The following MYCBPAP variants were observed in gnomAD, a reference collection of about 807,000 sequenced individuals.
MYCBPAP encodes MYCBP associated protein.
In MYCBPAP, 60 loss-of-function variants were observed where a neutral mutation model predicts 106.1. The ratio of observed to expected loss-of-function variants is 0.57; its 90% CI spans 0.46 to 0.70. MYCBPAP has a LOEUF of 0.70. Ranked by LOEUF, MYCBPAP falls within the 30% of genes least tolerant of loss-of-function variation. The pLI is 0.00. For synonymous variants in MYCBPAP, 407 were observed against 440.6 expected (o/e 0.92, Z 0.95); for missense variants, 1,064 against 1,169.3 (o/e 0.91, Z 1.31).
In MYCBPAP at chr17:50,528,144, T is replaced by G; in HGVS notation, c.2292-11T>G. 2 of 1,611,730 alleles carry G rather than the reference T, an allele frequency of 1.2e-6. No individual in the cohort carries two copies. Among genetic ancestry groups the G allele is most frequent in the Non-Finnish European group, 1.7e-6 (2 of 1,178,058 alleles). ...AGTGATGGCATTTCTCCACTGTGTCTTGCCCTCTAGTTTGCAGCTGTGGCG... is the reference window on the plus strand; with the variant it reads ...AGTGATGGCATTTCTCCACTGTGTCGTGCCCTCTAGTTTGCAGCTGTGGCG... On this transcript the variant is annotated splice_polypyrimidine_tract_variant and intron_variant, in intron 15 of 18. Coordinates refer to ENST00000323776, the MANE Select transcript of MYCBPAP (RefSeq NM_032133.6).
In MYCBPAP at chr17:50,521,506, C is replaced by T. The variant is rs2034261565; in HGVS notation, c.1148+75C>T. ...CCTACCAGTATTAAAGAGCGGGCTT[C>T]CCTCCCTGAGATCAGGGTGCCTCTA... On this transcript the variant is annotated intron_variant, in intron 9 of 18. Transcript: ENST00000323776. 9 of 1,171,122 alleles carry T rather than the reference C, an allele frequency of 7.7e-6. No individual in the cohort carries two copies. The South Asian group carries it at 1.2e-4, about 15-fold the overall frequency. 72.5% of individuals were successfully genotyped at this position (1,171,122 alleles called of 1,614,324 possible).
At chr17:50,530,657 C>T (rs1433201849) in intron 18 of MYCBPAP, among the ~76,000 whole-genome samples, 2 of 150,548 alleles carry the variant, frequency 1.3e-5, no homozygotes, top group Non-Finnish European at 3.0e-5. Flanking sequence ...ATCAACTTGT[C>T]TGGGCTTGTA....
chr17:50,520,858 G>A (rs912857891), intron 7 of MYCBPAP: 3 of 454,938 alleles, frequency 6.6e-6, no homozygotes, highest in Non-Finnish European at 1.2e-5. Context: ...TCAATAAAAG[G>A]TAGCTGCTGT....
chr17:50,515,221 C>T (rs2034004058), intron 1 of MYCBPAP, among the ~76,000 whole-genome samples: 1 of 151,572 alleles, frequency 6.6e-6, no homozygotes, highest in South Asian at 2.1e-4. Context: ...CCCCACCTCC[C>T]ACGCCCGCCG....
intron 10 of MYCBPAP, 41 bp downstream of exon 10, chr17:50,522,122 CAG>C: frequency 2.6e-6 from 4 of 1,552,146 alleles, no homozygotes; most frequent in Non-Finnish European, 8.9e-7. Context: ...GAGCCTCCCT[CAG>C]GGGTGCAGCC....
intron 18 of MYCBPAP, chr17:50,529,648 A>C (rs948967803): frequency 1.2e-5 from 5 of 427,126 alleles, no homozygotes; most frequent in Non-Finnish European, 2.4e-5. Context: ...CAAGGTTTTG[A>C]ATAGAAACGC....
intron 1 of MYCBPAP, chr17:50,510,495 GTGTGTATA>G (rs1478564885): frequency 1.1e-5 from 1 of 93,054 alleles, no homozygotes; most frequent in South Asian, 3.4e-4. Context: ...GTGTGTGTGT[GTGTGTATA>G]TATATATATA....
intron 9 of MYCBPAP, 139 bp from the exon 10 acceptor site, chr17:50,521,834 T>C (rs9893172): frequency 0.98 from 674,198 of 685,300 alleles, 331,665 homozygotes; most frequent in East Asian, 1. Flanking sequence ...GGAAGCTGCG[T>C]GGGAGTGGAG....
chr17:50,517,397 C>A lies in MYCBPAP; in HGVS notation c.309C>A (p.His103Gln). ...KPMDPRRKVCHLVARPANPDE... is the reference protein window; with the variant it reads ...KPMDPRRKVCQLVARPANPDE... ...TGGATCCTAGGAGGAAGGTCTGCCA[C>A]CTTGTAGCACGTCCTGCGAATCCTG... The change falls in exon 3 of 19, where the codon CAC becomes CAA. Residue 103 changes from histidine (H) to glutamine (Q), a missense_variant. Transcript: ENST00000323776. 1.9e-6 allele frequency: 3 copies of A among 1,614,204 alleles called. No homozygotes were observed. The highest frequency in any genetic ancestry group is 2.5e-6 in the Non-Finnish European group (3 of 1,180,032).
chr17:50,524,221 C>T (rs1378047268), intron 12 of MYCBPAP, among the ~76,000 whole-genome samples: 1 of 152,192 alleles, frequency 6.6e-6, no homozygotes. Flanking sequence ...ACTCAATCAG[C>T]TGACAACTCG....
chr17:50,531,457 A>C lies in MYCBPAP; in HGVS notation c.*29A>C. On this transcript the variant is annotated 3_prime_UTR_variant, in exon 19 of 19. Coordinates refer to ENST00000323776, the MANE Select transcript of MYCBPAP (RefSeq NM_032133.6). ...TCGGGCCCAAGCAACCTTCTGGAAAACGGGTTAATAAATAAATCAATAAAG... is the reference window on the plus strand; with the variant it reads ...TCGGGCCCAAGCAACCTTCTGGAAACCGGGTTAATAAATAAATCAATAAAG... The C allele has an allele frequency of 1.3e-6, 2 of 1,528,002 alleles. No individual in the cohort carries two copies. Among genetic ancestry groups the C allele is most frequent in the Non-Finnish European group, 1.8e-6 (2 of 1,120,074 alleles). The allele number at this position is 1,528,002 out of a possible 1,614,324, so 94.7% of individuals were successfully genotyped here.
chr17:50,510,141 T>A (rs2033774129), intron 1 of MYCBPAP: 1 of 152,134 alleles, frequency 6.6e-6, no homozygotes, highest in Non-Finnish European at 1.5e-5. Context: ...CTCAGAGTTG[T>A]GAAAGCTCAT....
At position 50,517,675 on chromosome 17, in the gene MYCBPAP, G is replaced by A. The variant is rs866736816; in HGVS notation, c.445G>A (p.Ala149Thr). ...GAGTCTCCAGGATTTTAAGAGAATT[G>A]CACTTGCTCGAGGGAACACCCAGGT... ...LGSLQDFKRI[A>T]LARGNTQLAE... is the part of the protein sequence containing the mutation. The change falls in exon 4 of 19, where the codon GCA (alanine) becomes ACA (threonine). Residue 149 changes from alanine to threonine, a missense_variant. Physicochemically the swap from Ala to Thr is moderately conservative, Grantham distance 58 (BLOSUM62 0). Transcript: ENST00000323776. The A allele has an allele frequency of 1.9e-6, 3 of 1,614,124 alleles. No individual in the cohort carries two copies. The highest frequency in any genetic ancestry group is 3.3e-4 in the Middle Eastern group (2 of 6,060).
At chr17:50,529,817 C>T (rs1028804453) in intron 18 of MYCBPAP, 10 of 456,642 alleles carry the variant, frequency 2.2e-5, no homozygotes, top group Non-Finnish European at 4.4e-5. Context: ...GGTGCATTCC[C>T]ATCAACTGTA....
chr17:50,514,610 T>A (rs1288940459), intron 1 of MYCBPAP, among the ~76,000 whole-genome samples: 1 of 151,940 alleles, frequency 6.6e-6, no homozygotes, highest in Non-Finnish European at 1.5e-5. Context: ...ATGCTGTGGC[T>A]GCCACAACGG....
chr17:50,525,431 C>A (rs1457169694), intron 13 of MYCBPAP, among the ~76,000 whole-genome samples: 1 of 152,172 alleles, frequency 6.6e-6, no homozygotes, highest in African/African-American at 2.4e-5. Context: ...GCGCATCTTC[C>A]ATGAGTAACT....
chr17:50,525,085 G>A (rs781357622), intron 13 of MYCBPAP, 62 bp downstream of exon 13: 38 of 1,555,596 alleles, frequency 2.4e-5, no homozygotes, highest in South Asian at 3.6e-5. Context: ...TCCCCAACCC[G>A]CAGGCCGCAC....
chr17:50,519,634 T>G lies in MYCBPAP; in HGVS notation c.769-6T>G. On this transcript the variant is annotated splice_region_variant and splice_polypyrimidine_tract_variant and intron_variant, in intron 6 of 18. Coordinates refer to ENST00000323776, the MANE Select transcript of MYCBPAP (RefSeq NM_032133.6). ...GTAATCTGACTCACCTTTCCTTCCTTGCCAGAGCTGGGAGAACAGTGGGTT... is the reference window on the plus strand; with the variant it reads ...GTAATCTGACTCACCTTTCCTTCCTGGCCAGAGCTGGGAGAACAGTGGGTT... 1 of 1,614,022 alleles carries G rather than the reference T, an allele frequency of 6.2e-7. No homozygotes were observed. The highest frequency in any genetic ancestry group is 8.5e-7 in the Non-Finnish European group (1 of 1,179,962).
At chr17:50,509,856 C>A (rs1051046250) in intron 1 of MYCBPAP, 5 of 152,074 alleles carry the variant, frequency 3.3e-5, no homozygotes, top group Admixed American at 2.0e-4. Flanking sequence ...ATGTAGGTGC[C>A]CATCGGGCTT....
Sources: allele counts gnomAD v4.1 joint callset (sites outside exome capture counted in the v4.1 genomes callset), GRCh38; gene constraint gnomAD v4.1.1; transcripts MANE v1.5; gene names NCBI Gene and HGNC (gene_info 2026-07-23, HGNC 2026-07-21).